Variants in ABCA6 observed in about 807,000 individuals in gnomAD.
ABCA6 encodes the protein ATP binding cassette subfamily A member 6.
Under a neutral mutation model 191.2 loss-of-function variants are expected in ABCA6, and 164 were observed. That is an observed-to-expected ratio of 0.86 (90% CI 0.76 to 0.98). The LOEUF (loss-of-function observed/expected upper bound fraction) is 0.98, where lower values mean the gene tolerates loss of function less well. Among genes scored for constraint, ABCA6 ranks in the 50% least tolerant of loss-of-function variants. ABCA6 has a pLI of 0.00. For missense variants in ABCA6, 1,958 were observed against 1,894.1 expected (o/e 1.03, Z -0.63); for synonymous variants, 636 against 647.7 (o/e 0.98, Z 0.27).
chr17:69,105,303 T>C, intron 20 of ABCA6, 159 bp downstream of exon 20: 1 of 702,178 alleles, frequency 1.4e-6, no homozygotes, highest in Non-Finnish European at 2.3e-6. Flanking sequence ...ATCTCCAAAA[T>C]CAGAGTAAAT....
At position 69,082,856 on chromosome 17, in the gene ABCA6, T is replaced by G; in HGVS notation, c.4616+17A>C. Reference sequence around the variant, plus strand: ...ATAAACCCTCCATATTTCTCCATAATCAAAAGCCCGTCTCACCTTTCCTGC... The same window carrying G: ...ATAAACCCTCCATATTTCTCCATAAGCAAAAGCCCGTCTCACCTTTCCTGC... On this transcript the variant is annotated intron_variant, in intron 36 of 38. Transcript: ENST00000284425. 18 of 1,613,904 alleles carry G rather than the reference T, an allele frequency of 1.1e-5. No homozygotes were observed. Among genetic ancestry groups the G allele is most frequent in the Non-Finnish European group, 1.5e-5 (18 of 1,179,916 alleles).
chr17:69,130,144 G>A lies in ABCA6; in HGVS notation c.792-393C>T, dbSNP rs149919151. Among the ~76,000 whole-genome samples, 432 of 151,902 alleles carry A rather than the reference G, an allele frequency of 2.8e-3. 3 individuals carry two copies. Among genetic ancestry groups the A allele is most frequent in the Middle Eastern group, 0.014 (4 of 292 alleles). On this transcript the variant is annotated intron_variant, in intron 6 of 38. Coordinates refer to ENST00000284425, the MANE Select transcript of ABCA6 (RefSeq NM_080284.3). ...CAGCCCGACCAACATGGTGAAACCC[G>A]TCTCTACTAAAAATGCAAAAAAATT...
At chr17:69,133,069 G>A (rs539712359) in intron 6 of ABCA6, among the ~76,000 whole-genome samples, 1 of 152,244 alleles carries the variant, frequency 6.6e-6, no homozygotes, top group South Asian at 2.1e-4. Flanking sequence ...CCCTTGCTAA[G>A]GTCTTCTTAC....
In ABCA6 at chr17:69,100,737, G is replaced by GAAAAGA; in HGVS notation, c.3012+59_3012+60insTCTTTT. On this transcript the variant is annotated intron_variant, in intron 22 of 38. Transcript: ENST00000284425. ...TATGGATATTTAAAAGCTAAAGAGA[G>GAAAAGA]AAAACATAGGCTATTTGTCCAATTC... 3 of 1,469,834 alleles carry GAAAAGA rather than the reference G, an allele frequency of 2.0e-6. No homozygotes were observed. In the South Asian group the frequency reaches 4.2e-5, roughly 21 times the overall value. 91.0% of individuals were successfully genotyped at this position (1,469,834 alleles called of 1,614,324 possible).
Position 69,114,767 on chromosome 17 carries a change from G to A in ABCA6, c.1777C>T (p.Gln593Ter), listed in dbSNP as rs1385235868. 3.1e-6 allele frequency: 5 copies of A among 1,608,440 alleles called. No individual in the cohort carries two copies. The highest frequency in any genetic ancestry group is 1.7e-5 in the Admixed American group (1 of 59,160). ...IKGIHLKEVE[Q>*]EVQRILLELD... ...ATCCAAGCATGCCCTCCTACCTCTT[G>A]TTCCACTTCCTTTAGATGAATCCCT... is the stretch of plus-strand genomic sequence containing the variant. The change falls in exon 13 of 39, where the codon CAA (glutamine) becomes TAA (stop). Residue 593 changes from glutamine to a stop codon, truncating the protein, a stop_gained. Coordinates refer to ENST00000284425, the MANE Select transcript of ABCA6 (RefSeq NM_080284.3). LOFTEE classifies it high-confidence loss of function.
In ABCA6 at chr17:69,106,058, A is replaced by C; in HGVS notation, c.2543T>G (p.Leu848Ter). 1.9e-6 allele frequency: 3 copies of C among 1,613,034 alleles called. No homozygotes were observed. Among genetic ancestry groups the C allele is most frequent in the Non-Finnish European group, 1.7e-6 (2 of 1,179,454 alleles). Residue 848 changes from leucine to a stop codon, truncating the protein, a stop_gained, in exon 19 of 39, where the codon TTA becomes TGA. Coordinates refer to ENST00000284425, the MANE Select transcript of ABCA6 (RefSeq NM_080284.3). LOFTEE classifies it high-confidence loss of function. The stretch of plus-strand genomic sequence containing the variant: ...CAATAACACTTTAGTTTGACGTTTT[A>C]ACTTTAAGAAACGGAGCCGTGCCAT... ...FAMARLRFLK[L>*]KRQTKVLLTL...
chr17:69,115,544 A>G, intron 11 of ABCA6, 58 bp from the exon 12 acceptor site: 2 of 1,304,860 alleles, frequency 1.5e-6, no homozygotes, highest in South Asian at 1.3e-5. Flanking sequence ...AAGGCATTAG[A>G]CAGGCCTGGT....
Position 69,113,298 on chromosome 17 carries a change from G to A in ABCA6, c.1965C>T (p.Ser655=), listed in dbSNP as rs774539164. 2 of 1,597,034 alleles carry A rather than the reference G, an allele frequency of 1.3e-6. No individual in the cohort carries two copies. Among genetic ancestry groups the A allele is most frequent in the Non-Finnish European group, 1.7e-6 (2 of 1,175,850 alleles). ...LDPFSRDQVW[S]LLRERRADHV... is the part of the protein sequence containing the mutation. ...GATCTGCTCTACGCTCTCTCAGGAG[G>A]CTCCACACTTGATCTCTGGAAAAGG... The change falls in exon 15 of 39, where the codon AGC becomes AGT. Residue 655 remains serine (S), a synonymous_variant. Transcript: ENST00000284425.
chr17:69,127,123 C>G (rs1272453433), intron 8 of ABCA6, among the ~76,000 whole-genome samples: 1 of 152,092 alleles, frequency 6.6e-6, no homozygotes, highest in African/African-American at 2.4e-5. Flanking sequence ...TTGCCTCTAC[C>G]TATACACACA....
chr17:69,129,058 G>C (rs2073810982), intron 7 of ABCA6, among the ~76,000 whole-genome samples: 1 of 152,136 alleles, frequency 6.6e-6, no homozygotes, highest in Non-Finnish European at 1.5e-5. Context: ...TGAGAGCTGA[G>C]GATAGGGTAG....
At chr17:69,139,745 C>T (rs1230551015) in intron 2 of ABCA6, among the ~76,000 whole-genome samples, 1 of 152,062 alleles carries the variant, frequency 6.6e-6, no homozygotes, top group Non-Finnish European at 1.5e-5. Context: ...GACACATATA[C>T]ACCATGGAAT....
intron 17 of ABCA6, 63 bp downstream of exon 17, chr17:69,110,737 AT>A (rs1454019679): frequency 1.1e-5 from 16 of 1,493,978 alleles, no homozygotes; most frequent in Non-Finnish European, 1.4e-5. Context: ...AAAGAAAATT[AT>A]TTTAATAATA....
chr17:69,134,414 C>T (rs975202040), intron 5 of ABCA6, among the ~76,000 whole-genome samples: 3 of 152,148 alleles, frequency 2.0e-5, no homozygotes, highest in African/African-American at 7.2e-5. Context: ...TTAGACGGTG[C>T]TATCTATGAG....
chr17:69,116,371 G>A (rs941587791), intron 11 of ABCA6, among the ~76,000 whole-genome samples: 1 of 152,034 alleles, frequency 6.6e-6, no homozygotes, highest in Non-Finnish European at 1.5e-5. Flanking sequence ...TGAAATCTAA[G>A]TGTTTATTGC....
chr17:69,096,794 G>T lies in ABCA6; in HGVS notation c.3128C>A (p.Ala1043Asp). The T allele has an allele frequency of 6.6e-7, 1 of 1,517,960 alleles. No homozygotes were observed. Among genetic ancestry groups the T allele is most frequent in the Non-Finnish European group, 8.7e-7 (1 of 1,144,612 alleles). The allele number at this position is 1,517,960 out of a possible 1,614,324, so 94.0% of individuals were successfully genotyped here. Residue 1043 changes from alanine to aspartate, a missense_variant, in exon 24 of 39, where the codon GCT (alanine) becomes GAT (aspartate). Ala to Asp is a moderately radical substitution (Grantham distance 126). Transcript: ENST00000284425. ...GCCTGAAATCCATAGCTGGGACTTA[G>T]CATTTTTCTGATTAAAAAAAAAAAG... ...MGSISDYKKN[A>D]KSQLWISGLY... is the part of the protein sequence containing the mutation.
At chr17:69,095,633 C>T (rs979638619) in intron 25 of ABCA6, 4 of 152,184 alleles carry the variant, frequency 2.6e-5, no homozygotes, top group African/African-American at 7.2e-5. Context: ...TTGGGTTCTT[C>T]TCATGGATTC....
chr17:69,121,617 TTGGGGGAAGG>T (rs2073645737), intron 10 of ABCA6, among the ~76,000 whole-genome samples: 1 of 151,606 alleles, frequency 6.6e-6, no homozygotes, highest in Non-Finnish European at 1.5e-5. Flanking sequence ...AAGGGAGAAG[TTGGGGGAAGG>T]TGGGGGTGGA....
intron 6 of ABCA6, among the ~76,000 whole-genome samples, chr17:69,132,466 G>A (rs2073880310): frequency 6.6e-6 from 1 of 151,874 alleles, no homozygotes; most frequent in Admixed American, 6.6e-5. Context: ...TTTTGTTTTT[G>A]TTTGTTTGGT....
At chr17:69,101,514 T>C (rs2073179353) in intron 21 of ABCA6, among the ~76,000 whole-genome samples, 1 of 150,396 alleles carries the variant, frequency 6.6e-6, no homozygotes, top group South Asian at 2.1e-4. Context: ...AAGAATCACT[T>C]AAACTCAGAA....
Sources: allele counts gnomAD v4.1 joint callset (sites outside exome capture counted in the v4.1 genomes callset), GRCh38; gene constraint gnomAD v4.1.1; transcripts MANE v1.5; gene names NCBI Gene and HGNC (gene_info 2026-07-23, HGNC 2026-07-21).